The following FXR1 variants were observed in gnomAD, a reference collection of about 807,000 sequenced individuals.
The protein encoded by FXR1 is RNA-binding protein FXR1.
A neutral mutation model predicts 84.0 loss-of-function variants in FXR1; 15 were observed. That is an observed-to-expected ratio of 0.18 (90% confidence interval 0.12 to 0.27). The LOEUF is 0.27. FXR1 is among the 10% of genes least tolerant of loss of function. The pLI, the probability that FXR1 is intolerant of heterozygous loss-of-function variation, is 1.00. For missense variants in FXR1, 480 were observed against 774.4 expected (o/e 0.62, Z 4.51); for synonymous variants, 245 against 250.7 (o/e 0.98, Z 0.21).
At chr3:180,915,911 A>G (rs1463537184) in intron 1 of FXR1, among the ~76,000 whole-genome samples, 7 of 152,174 alleles carry the variant, frequency 4.6e-5, no homozygotes, top group Admixed American at 2.6e-4. Flanking sequence ...TGCTAAATAC[A>G]TTGTTCTGCA....
chr3:180,953,465 C>A (rs1576967542), intron 8 of FXR1, among the ~76,000 whole-genome samples: 1 of 152,098 alleles, frequency 6.6e-6, no homozygotes, highest in Non-Finnish European at 1.5e-5. Context: ...TTTGGCTGTT[C>A]AGCAGCTGTG....
At chr3:180,916,652 C>T (rs1172423225) in intron 1 of FXR1, among the ~76,000 whole-genome samples, 1 of 152,168 alleles carries the variant, frequency 6.6e-6, no homozygotes, top group Non-Finnish European at 1.5e-5. Context: ...AAATGATCGC[C>T]CTCCTCGGCC....
At chr3:180,916,573 A>G (rs1243224758) in intron 1 of FXR1, among the ~76,000 whole-genome samples, 1 of 151,966 alleles carries the variant, frequency 6.6e-6, no homozygotes, top group African/African-American at 2.4e-5. Flanking sequence ...ATGGCCGGCT[A>G]ATTTTTGTAT....
At chr3:180,921,387 A>C (rs1034091042) in intron 1 of FXR1, among the ~76,000 whole-genome samples, 1 of 152,148 alleles carries the variant, frequency 6.6e-6, no homozygotes, top group African/African-American at 2.4e-5. Context: ...AAAAAAAAAA[A>C]AACTTGTAAT....
intron 1 of FXR1, among the ~76,000 whole-genome samples, chr3:180,930,520 T>G (rs954832241): frequency 1.1e-4 from 17 of 152,154 alleles, no homozygotes; most frequent in African/African-American, 4.1e-4. Context: ...CTAGAAAGAT[T>G]AATTTGTGAG....
chr3:180,942,624 G>A (rs1027089720), intron 3 of FXR1, among the ~76,000 whole-genome samples: 3 of 152,058 alleles, frequency 2.0e-5, no homozygotes, highest in African/African-American at 7.2e-5. Context: ...AAACGATAGT[G>A]ATTAAAATGA....
intron 1 of FXR1, among the ~76,000 whole-genome samples, chr3:180,926,759 C>T (rs1719278076): frequency 1.3e-5 from 2 of 151,562 alleles, no homozygotes. Flanking sequence ...TTTGTTTACT[C>T]CTTTATAAGG....
At chr3:180,930,985 C>G (rs1719816146) in intron 1 of FXR1, among the ~76,000 whole-genome samples, 2 of 138,888 alleles carry the variant, frequency 1.4e-5, no homozygotes, top group African/African-American at 5.4e-5. Flanking sequence ...GCCCAGATAA[C>G]ACCACTGTAC....
At chr3:180,964,674 T>TAC (rs1491100462) in intron 13 of FXR1, among the ~76,000 whole-genome samples, 17 of 15,728 alleles carry the variant, frequency 1.1e-3, no homozygotes, top group Non-Finnish European at 2.1e-3. Flanking sequence ...GTAGTTGATT[T>TAC]ATATATATAT....
rs1718561396 is a variant in FXR1, at chr3:180,921,308, GT to G, written c.51+8573del. Among the ~76,000 whole-genome samples, 9 of 151,450 alleles carry G rather than the reference GT, an allele frequency of 5.9e-5. No individual in the cohort carries two copies. In the South Asian group the frequency reaches 1.9e-3, roughly 32 times the overall value. ...CCTTGAACCCAGGGTGGGGGTGTGT[GT>G]GGAGGTTGCAGTGAGCCAAGATCAC... On this transcript the variant is annotated intron_variant, in intron 1 of 16. Coordinates refer to ENST00000357559, the MANE Select transcript of FXR1 (RefSeq NM_005087.4).
intron 1 of FXR1, among the ~76,000 whole-genome samples, chr3:180,930,101 A>G (rs925338283): frequency 1.3e-5 from 2 of 152,300 alleles, no homozygotes; most frequent in Admixed American, 1.3e-4. Flanking sequence ...AGTCTCTGCT[A>G]AATATACAAA....
chr3:180,961,085 C>T (rs1008231475), intron 10 of FXR1, among the ~76,000 whole-genome samples: 6 of 151,930 alleles, frequency 3.9e-5, no homozygotes, highest in Non-Finnish European at 8.8e-5. Flanking sequence ...AACCTCTTTA[C>T]GAAGTCAATA....
At chr3:180,918,192 G>A (rs868218113) in intron 1 of FXR1, among the ~76,000 whole-genome samples, 2 of 152,072 alleles carry the variant, frequency 1.3e-5, no homozygotes, top group Admixed American at 6.6e-5. Flanking sequence ...CCTTCTGTAA[G>A]ATAATAGTTT....
At chr3:180,922,163 G>A (rs952917753) in intron 1 of FXR1, among the ~76,000 whole-genome samples, 3 of 151,818 alleles carry the variant, frequency 2.0e-5, no homozygotes, top group African/African-American at 7.3e-5. Flanking sequence ...ATTTCCATTG[G>A]ATAGATATCA....
chr3:180,959,058 C>T lies in FXR1; in HGVS notation c.990+1130C>T, dbSNP rs554408724. Reference sequence around the variant, plus strand: ...CTTGACCTTGTGATCCACCTGCCTCCACCTCCCAAAGTGCTGGGATTACGG... The same window carrying T: ...CTTGACCTTGTGATCCACCTGCCTCTACCTCCCAAAGTGCTGGGATTACGG... On this transcript the variant is annotated intron_variant, in intron 10 of 16. Transcript: ENST00000357559. Among the ~76,000 whole-genome samples, 3 of 152,088 alleles carry T rather than the reference C, an allele frequency of 2.0e-5. No homozygotes were observed. In the South Asian group the frequency reaches 6.2e-4, roughly 32 times the overall value.
intron 1 of FXR1, among the ~76,000 whole-genome samples, chr3:180,928,942 G>C (rs1212619745): frequency 2.0e-5 from 3 of 147,764 alleles, no homozygotes; most frequent in Non-Finnish European, 4.5e-5. Context: ...TTTTTTTTTA[G>C]ACAGAGTTTC....
intron 2 of FXR1, among the ~76,000 whole-genome samples, chr3:180,934,559 C>A (rs183680408): frequency 6.6e-6 from 1 of 152,172 alleles, no homozygotes; most frequent in African/African-American, 2.4e-5. Context: ...TGTATATATC[C>A]ACTGTAGGAA....
intron 1 of FXR1, among the ~76,000 whole-genome samples, chr3:180,931,438 C>T (rs760365244): frequency 3.3e-5 from 5 of 152,166 alleles, no homozygotes; most frequent in East Asian, 1.9e-4. Flanking sequence ...AGGCTGGTCT[C>T]GAACTCCTGA....
At chr3:180,928,331 G>T (rs1302855954) in intron 1 of FXR1, among the ~76,000 whole-genome samples, 1 of 151,684 alleles carries the variant, frequency 6.6e-6, no homozygotes, top group African/African-American at 2.4e-5. Flanking sequence ...TTTAAGGTTT[G>T]GTAAGTATAG....
Sources: allele counts gnomAD v4.1 joint callset (sites outside exome capture counted in the v4.1 genomes callset), GRCh38; gene constraint gnomAD v4.1.1; transcripts MANE v1.5; gene names NCBI Gene and HGNC (gene_info 2026-07-23, HGNC 2026-07-21).